Variants in PATJ observed in about 807,000 individuals in gnomAD.
The protein encoded by PATJ is PATJ crumbs cell polarity complex component, also known as inaD-like protein.
Under a neutral mutation model 224.9 loss-of-function variants are expected in PATJ, and 190 were observed. The ratio of observed to expected loss-of-function variants is 0.84; its 90% CI spans 0.75 to 0.95. PATJ has a LOEUF of 0.95. Ranked by LOEUF, PATJ falls within the 40% of genes least tolerant of loss-of-function variation. The pLI, the probability that PATJ is intolerant of heterozygous loss-of-function variation, is 0.00. For synonymous variants in PATJ, 769 were observed against 820.3 expected (o/e 0.94, Z 1.07); for missense variants, 2,121 against 2,270.3 (o/e 0.93, Z 1.34).
intron 14 of PATJ, among the ~76,000 whole-genome samples, chr1:61,818,822 C>T (rs960516592): frequency 2.6e-5 from 4 of 152,140 alleles, no homozygotes; most frequent in Admixed American, 2.0e-4. Flanking sequence ...CTCTGCGAAT[C>T]CTGACTCCAG....
At chr1:61,909,518 C>G (rs1459437630) in intron 25 of PATJ, among the ~76,000 whole-genome samples, 1 of 151,726 alleles carries the variant, frequency 6.6e-6, no homozygotes, top group Non-Finnish European at 1.5e-5. Context: ...TGTCACTTAG[C>G]CTAGAGTGCA....
At chr1:61,809,735 G>T (rs1387530223) in intron 14 of PATJ, among the ~76,000 whole-genome samples, 1 of 151,922 alleles carries the variant, frequency 6.6e-6, no homozygotes, top group African/African-American at 2.4e-5. Context: ...AAGTTGAAAA[G>T]TCTTTAGATA....
chr1:61,772,741 T>C (rs1892022), intron 6 of PATJ, among the ~76,000 whole-genome samples: 84,466 of 151,900 alleles, frequency 0.56, 23,801 homozygotes, highest in East Asian at 0.88. Flanking sequence ...TGGAGTCAGG[T>C]TTGGATGCAT....
intron 42 of PATJ, among the ~76,000 whole-genome samples, chr1:62,150,071 G>C (rs985798007): frequency 5.9e-5 from 9 of 152,130 alleles, no homozygotes; most frequent in African/African-American, 1.9e-4. Context: ...CAGTATCTTT[G>C]GAAATGGGGG....
chr1:61,851,430 G>T (rs1662788284), intron 17 of PATJ, among the ~76,000 whole-genome samples: 1 of 152,074 alleles, frequency 6.6e-6, no homozygotes, highest in Non-Finnish European at 1.5e-5. Context: ...TGGCTGAGGG[G>T]ATGGTTTGCA....
intron 3 of PATJ, among the ~76,000 whole-genome samples, chr1:61,765,510 A>G (rs1213003570): frequency 6.6e-6 from 1 of 152,046 alleles, no homozygotes; most frequent in Non-Finnish European, 1.5e-5. Context: ...CAGCCTCCCA[A>G]GTACCTTGGA....
chr1:61,824,360 C>T (rs1303237515), intron 15 of PATJ, among the ~76,000 whole-genome samples: 6 of 149,358 alleles, frequency 4.0e-5, no homozygotes, highest in African/African-American at 9.9e-5. Flanking sequence ...CCACTGCACC[C>T]GGTCCACTTT....
At chr1:61,981,257 C>T (rs1328296558) in intron 27 of PATJ, among the ~76,000 whole-genome samples, 2 of 151,822 alleles carry the variant, frequency 1.3e-5, no homozygotes, top group South Asian at 2.1e-4. Context: ...CTGTAGTTTA[C>T]GAACCTAGTG....
At chr1:61,902,239 AG>A (rs1199420379) in intron 24 of PATJ, among the ~76,000 whole-genome samples, 2 of 141,096 alleles carry the variant, frequency 1.4e-5, no homozygotes, top group African/African-American at 5.2e-5. Flanking sequence ...AAAAAAAAAA[AG>A]GCATATTAAA....
In PATJ at chr1:61,907,933, A is replaced by T. The variant is rs997436836; in HGVS notation, c.3382-439A>T. On this transcript the variant is annotated intron_variant, in intron 24 of 43. Transcript: ENST00000642238. ...TTAAACATAATTTGAGAAATGTTCA[A>T]CTACTCAATTGTGATAACAAGCAAT... 7.9e-5 allele frequency among the ~76,000 whole-genome samples: 12 copies of T among 152,324 alleles called. No homozygotes were observed. The Middle Eastern group carries it at 0.01, about 130-fold the overall frequency.
At chr1:61,760,068 G>T (rs955199125) in intron 1 of PATJ, among the ~76,000 whole-genome samples, 2 of 152,270 alleles carry the variant, frequency 1.3e-5, no homozygotes, top group African/African-American at 4.8e-5. Context: ...AATCCTGTTG[G>T]GCTGTATGCT....
In PATJ at chr1:61,896,200, G is replaced by C. The variant is rs116141939; in HGVS notation, c.3132-3383G>C. ...AAATCCCAGCTACGTGGGAGGCCAA[G>C]TCAGGAGAATCACTTGAACTGGGAG... On this transcript the variant is annotated intron_variant, in intron 22 of 43. Transcript: ENST00000642238. 7.1e-3 allele frequency among the ~76,000 whole-genome samples: 1,074 copies of C among 151,776 alleles called. 17 individuals carry two copies. Among genetic ancestry groups the C allele is most frequent in the African/African-American group, 0.025 (1,036 of 41,380 alleles).
At chr1:62,127,221 AG>A (rs146214284) in intron 39 of PATJ, among the ~76,000 whole-genome samples, 3 of 152,156 alleles carry the variant, frequency 2.0e-5, no homozygotes, top group African/African-American at 7.2e-5. Context: ...GATTAATAAC[AG>A]GGGTGACACA....
At chr1:61,931,085 TC>T (rs1251521232) in intron 27 of PATJ, among the ~76,000 whole-genome samples, 1 of 152,160 alleles carries the variant, frequency 6.6e-6, no homozygotes, top group Non-Finnish European at 1.5e-5. Context: ...AAACTATCCT[TC>T]CCAAAGTGCT....
chr1:62,116,734 C>T, intron 36 of PATJ, 55 bp downstream of exon 36: 12 of 1,520,118 alleles, frequency 7.9e-6, no homozygotes, highest in Non-Finnish European at 1.1e-5. Context: ...CCAGTGGGAA[C>T]TGTTCCAGTC....
chr1:62,109,929 CTGTT>C (rs772139511), intron 34 of PATJ, among the ~76,000 whole-genome samples: 3 of 152,076 alleles, frequency 2.0e-5, no homozygotes, highest in Non-Finnish European at 2.9e-5. Context: ...TAAACTATTT[CTGTT>C]TGTATTAGGT....
chr1:61,903,798 A>T (rs1019775148), intron 24 of PATJ, among the ~76,000 whole-genome samples: 1 of 137,954 alleles, frequency 7.2e-6, no homozygotes. Flanking sequence ...TTTGAGATGG[A>T]GTCTCTCTCT....
intron 21 of PATJ, among the ~76,000 whole-genome samples, chr1:61,881,901 C>G (rs566163106): frequency 6.6e-6 from 1 of 152,124 alleles, no homozygotes; most frequent in Admixed American, 6.5e-5. Flanking sequence ...ACAATAGATG[C>G]GACTTCCATT....
At chr1:62,107,279 C>T (rs1373198798) in intron 33 of PATJ, among the ~76,000 whole-genome samples, 1 of 151,348 alleles carries the variant, frequency 6.6e-6, no homozygotes, top group African/African-American at 2.4e-5. Context: ...GCACTCCAGC[C>T]TGGGCGACAG....
Sources: allele counts gnomAD v4.1 joint callset (sites outside exome capture counted in the v4.1 genomes callset), GRCh38; gene constraint gnomAD v4.1.1; transcripts MANE v1.5; gene names NCBI Gene and HGNC (gene_info 2026-07-23, HGNC 2026-07-21).